Variants in CCDC85C observed in about 807,000 individuals in gnomAD.
CCDC85C encodes coiled-coil domain-containing protein 85C.
In CCDC85C, 18 loss-of-function variants were observed where a neutral mutation model predicts 38.3. That is an observed-to-expected ratio of 0.47 (90% CI 0.33 to 0.70). The LOEUF (loss-of-function observed/expected upper bound fraction) is 0.70, where lower values mean the gene tolerates loss of function less well. Ranked by LOEUF, CCDC85C falls within the 30% of genes least tolerant of loss-of-function variation. The pLI, the probability that CCDC85C is intolerant of heterozygous loss-of-function variation, is 0.03. For synonymous variants in CCDC85C, 264 were observed against 293.8 expected, an observed-to-expected ratio of 0.90 and a Z score of 1.04; for missense variants, 566 against 621.2, an observed-to-expected ratio of 0.91 and a Z score of 0.94.
In CCDC85C at chr14:99,588,766, A is replaced by G. The variant is rs2055053385; in HGVS notation, c.793+14401T>C. 6.6e-6 allele frequency among the ~76,000 whole-genome samples: 1 copy of G among 151,962 alleles called. No individual in the cohort carries two copies. The highest frequency in any genetic ancestry group is 2.1e-4 in the South Asian group (1 of 4,814). On this transcript the variant is annotated intron_variant, in intron 1 of 5. Transcript: ENST00000380243. The surrounding 1 kb of genome is among the most constrained non-coding windows in gnomAD (Gnocchi z 5.0). ...AAAGCCCCAAGCAGCAGGAATACCCAAAAAAGCCCCCAAAAGTACTGGTTC... is the reference window on the plus strand; with the variant it reads ...AAAGCCCCAAGCAGCAGGAATACCCGAAAAAGCCCCCAAAAGTACTGGTTC...
At position 99,591,653 on chromosome 14, in the gene CCDC85C, C is replaced by T. The variant is rs374914529; in HGVS notation, c.793+11514G>A. On this transcript the variant is annotated intron_variant, in intron 1 of 5. Coordinates refer to ENST00000380243, the MANE Select transcript of CCDC85C (RefSeq NM_001144995.2). ...CAACTCCAGGGCCAGGGTGGTAAAG[C>T]GCTGCAGCCGGTGGGGAGGGTGGGG... 4.4e-3 allele frequency among the ~76,000 whole-genome samples: 668 copies of T among 152,102 alleles called. 5 individuals are homozygous for T. Among genetic ancestry groups the T allele is most frequent in the African/African-American group, 0.015 (636 of 41,502 alleles).
chr14:99,553,088 A>C (rs1293864886), intron 1 of CCDC85C, among the ~76,000 whole-genome samples: 1 of 152,142 alleles, frequency 6.6e-6, no homozygotes, highest in African/African-American at 2.4e-5. Context: ...TCACAGAAAC[A>C]CTGGTCTCAC....
chr14:99,586,445 C>G (rs147233701), intron 1 of CCDC85C, among the ~76,000 whole-genome samples: 1 of 152,340 alleles, frequency 6.6e-6, no homozygotes, highest in African/African-American at 2.4e-5. Flanking sequence ...AGGCGGGAAA[C>G]GGAGGCACGT....
rs117320803 is a variant in CCDC85C at position 99,553,995 on chromosome 14, T to C, written c.794-17907A>G. On this transcript the variant is annotated intron_variant, in intron 1 of 5. Coordinates refer to ENST00000380243, the MANE Select transcript of CCDC85C (RefSeq NM_001144995.2). Reference sequence around the variant, plus strand: ...ATTCTGCACTCTGGGAGAGTGCAGGTTGCGGGAGGGACAGGACTGTGTCTT... The same window carrying C: ...ATTCTGCACTCTGGGAGAGTGCAGGCTGCGGGAGGGACAGGACTGTGTCTT... Among the ~76,000 whole-genome samples the C allele has an allele frequency of 9.2e-3, 1,402 of 152,230 alleles. 60 individuals are homozygous for C. The highest frequency in any genetic ancestry group is 0.076 in the Admixed American group (1,158 of 15,300).
intron 1 of CCDC85C, among the ~76,000 whole-genome samples, chr14:99,597,251 C>T (rs1315466988): frequency 6.6e-6 from 1 of 152,214 alleles, no homozygotes; most frequent in Non-Finnish European, 1.5e-5. Flanking sequence ...AGTAAATGCT[C>T]AGTGAAGTCC....
intron 1 of CCDC85C, among the ~76,000 whole-genome samples, chr14:99,566,560 C>A (rs948163780): frequency 6.6e-6 from 1 of 152,170 alleles, no homozygotes; most frequent in Non-Finnish European, 1.5e-5. Context: ...GGTCCCTCGG[C>A]TCCCCCAGGT....
Position 99,509,258 on chromosome 14 carries a change from G to A in CCDC85C, c.*5988C>T, listed in dbSNP as rs563540018. 8.5e-5 allele frequency: 13 copies of A among 152,434 alleles called. No homozygotes were observed. Among genetic ancestry groups the A allele is most frequent in the African/African-American group, 3.1e-4 (13 of 41,568 alleles). 9.4% of individuals were successfully genotyped at this position (152,434 alleles called of 1,614,324 possible). On this transcript the variant is annotated 3_prime_UTR_variant, in exon 6 of 6. Transcript: ENST00000380243. ...TGTGGTCTGTCTCCTGGGCTGCCTT[G>A]GGAAAGGACACTCATTCTGTGTGTT...
At position 99,500,763 on chromosome 14, in the gene CCDC85C, T is replaced by C. The variant is rs1004054099; in HGVS notation, c.*14483A>G. 1 of 1,541,660 alleles carries C rather than the reference T, an allele frequency of 6.5e-7. No homozygotes were observed. Among genetic ancestry groups the C allele is most frequent in the African/African-American group, 1.4e-5 (1 of 73,332 alleles). On this transcript the variant is annotated 3_prime_UTR_variant, in exon 6 of 6. Transcript: ENST00000380243. ...TGTCCTAACATTTGTGATTGATTTTTAGGAGGAAGTAATGGTTCTGGAGAG... is the reference window on the plus strand; with the variant it reads ...TGTCCTAACATTTGTGATTGATTTTCAGGAGGAAGTAATGGTTCTGGAGAG...
chr14:99,507,092 A>T lies in CCDC85C; in HGVS notation c.*8154T>A. The T allele has an allele frequency of 6.2e-7, 1 of 1,610,728 alleles. No homozygotes were observed. Among genetic ancestry groups the T allele is most frequent in the Non-Finnish European group, 8.5e-7 (1 of 1,176,992 alleles). ...TCTTTGTAGAACCACCACCACCTAA[A>T]ATCCCCAAAATTGAGACCACTCATC... On this transcript the variant is annotated 3_prime_UTR_variant, in exon 6 of 6. Transcript: ENST00000380243.
chr14:99,511,889 C>T lies in CCDC85C; in HGVS notation c.*3357G>A, dbSNP rs1401581370. 1.3e-5 allele frequency: 2 copies of T among 152,414 alleles called. No homozygotes were observed. Among genetic ancestry groups the T allele is most frequent in the Non-Finnish European group, 2.9e-5 (2 of 68,058 alleles). The allele number at this position is 152,414 out of a possible 1,614,324, so 9.4% of individuals were successfully genotyped here. On this transcript the variant is annotated 3_prime_UTR_variant, in exon 6 of 6. Coordinates refer to ENST00000380243, the MANE Select transcript of CCDC85C (RefSeq NM_001144995.2). ...GAGGCAGCTGGAGGAGCAGCGGCCT[C>T]ACTGTCCACCTTGAGGGGCCACGGC...
At chr14:99,542,093 T>G (rs1262062532) in intron 1 of CCDC85C, among the ~76,000 whole-genome samples, 1 of 152,150 alleles carries the variant, frequency 6.6e-6, no homozygotes, top group Non-Finnish European at 1.5e-5. Flanking sequence ...GCCCAGCACC[T>G]CCATGGGCCC....
At chr14:99,598,526 C>T (rs937385217) in intron 1 of CCDC85C, among the ~76,000 whole-genome samples, 18 of 152,184 alleles carry the variant, frequency 1.2e-4, no homozygotes, top group African/African-American at 4.3e-4. Context: ...GCCCACCCTG[C>T]ACCGCCTTCC....
chr14:99,554,941 G>A (rs148166337), intron 1 of CCDC85C, among the ~76,000 whole-genome samples: 15 of 152,372 alleles, frequency 9.8e-5, no homozygotes, highest in African/African-American at 3.6e-4. Flanking sequence ...GGTGGGCACA[G>A]ATGGACATAG....
intron 1 of CCDC85C, among the ~76,000 whole-genome samples, chr14:99,577,718 C>G (rs1204612435): frequency 6.7e-6 from 1 of 149,450 alleles, no homozygotes; most frequent in African/African-American, 2.5e-5. Context: ...CACACCCATA[C>G]AGCCCGTCCT....
intron 1 of CCDC85C, among the ~76,000 whole-genome samples, chr14:99,596,383 C>A (rs1438456034): frequency 6.6e-6 from 1 of 151,960 alleles, no homozygotes. Flanking sequence ...CAGACCCTCG[C>A]TTCCTCCCCA....
Position 99,603,993 on chromosome 14 carries a change from T to A in CCDC85C, c.-34A>T. 2 of 1,219,922 alleles carry A rather than the reference T, an allele frequency of 1.6e-6. No homozygotes were observed. Among genetic ancestry groups the A allele is most frequent in the Non-Finnish European group, 2.0e-6 (2 of 981,746 alleles). 75.6% of individuals were successfully genotyped at this position (1,219,922 alleles called of 1,614,324 possible). ...CGTCACCGCGGCATCGCCCTCGCCC[T>A]CGCCCGGCCGGCGCTTCCCCGCGCC... is the stretch of plus-strand genomic sequence containing the variant. On this transcript the variant is annotated 5_prime_UTR_variant, in exon 1 of 6. Coordinates refer to ENST00000380243, the MANE Select transcript of CCDC85C (RefSeq NM_001144995.2). The surrounding 1 kb of genome is among the most constrained non-coding windows in gnomAD (Gnocchi z 7.5).
intron 1 of CCDC85C, among the ~76,000 whole-genome samples, chr14:99,598,070 G>A (rs2055161681): frequency 6.6e-6 from 1 of 151,846 alleles, no homozygotes; most frequent in South Asian, 2.1e-4. Flanking sequence ...TAACCAGAGG[G>A]CTACATGCCC....
rs746586660 is a variant in CCDC85C at position 99,504,098 on chromosome 14, T to G, written c.*11148A>C. 2.6e-6 allele frequency: 1 copy of G among 385,714 alleles called. No individual in the cohort carries two copies. The highest frequency in any genetic ancestry group is 3.8e-4 in the Middle Eastern group (1 of 2,626). 23.9% of individuals were successfully genotyped at this position (385,714 alleles called of 1,614,324 possible). ...CAGGCAAGGCCTCTTTGAAACACAC[T>G]TGGGTTGAGGTGCTGTCACATGTCT... On this transcript the variant is annotated 3_prime_UTR_variant, in exon 6 of 6. Transcript: ENST00000380243.
At position 99,518,814 on chromosome 14, in the gene CCDC85C, T is replaced by C. The variant is rs369132116; in HGVS notation, c.976-1631A>G. Among the ~76,000 whole-genome samples the C allele has an allele frequency of 1.8e-4, 28 of 152,168 alleles. No individual in the cohort carries two copies. In the East Asian group the frequency reaches 5.4e-3, roughly 29 times the overall value. On this transcript the variant is annotated intron_variant, in intron 3 of 5. Coordinates refer to ENST00000380243, the MANE Select transcript of CCDC85C (RefSeq NM_001144995.2). ...AGGAGGGAAGCCAGGAGCGTGGGGG[T>C]GGGCTGTGCAAGCCGCCCCTCTCCT...
Sources: gnomAD v4.1 joint callset for allele counts (sites outside exome capture counted in the v4.1 genomes callset) on GRCh38, gnomAD v4.1.1 for gene constraint, Gnocchi (gnomAD v3.1) non-coding constraint, MANE v1.5 for transcripts, NCBI Gene and HGNC (gene_info 2026-07-23, HGNC 2026-07-21) for gene names.